TAFA2: variants seen among roughly 807,000 people sequenced by gnomAD.
TAFA2 encodes the protein chemokine-like protein TAFA-2.
Under a neutral mutation model 18.8 loss-of-function variants are expected in TAFA2, and 7 were observed. The ratio of observed to expected loss-of-function variants is 0.37; its 90% CI spans 0.21 to 0.70. The LOEUF is 0.70. TAFA2 is among the 30% of genes least tolerant of loss of function. The probability of loss-of-function intolerance (pLI) is 0.53; values close to 1 mark genes in which losing one functional copy is unlikely to be tolerated. For synonymous variants in TAFA2, 60 were observed against 54.2 expected, an observed-to-expected ratio of 1.11 and a Z score of -0.47; for missense variants, 122 against 158.1, an observed-to-expected ratio of 0.77 and a Z score of 1.23.
intron 2 of TAFA2, among the ~76,000 whole-genome samples, chr12:61,820,768 GTAAAACTCACCTGACCTCT>G (rs1404236453): frequency 6.6e-6 from 1 of 151,966 alleles, no homozygotes; most frequent in Non-Finnish European, 1.5e-5. Flanking sequence ...CTAGAATACT[GTAAAACTCACCTGACCTCT>G]TAGGATTTCA....
chr12:62,009,714 T>C (rs548345375), intron 1 of TAFA2, among the ~76,000 whole-genome samples: 35 of 152,332 alleles, frequency 2.3e-4, no homozygotes, highest in Admixed American at 5.9e-4. Context: ...GAGAATTCTA[T>C]TCCTTGTTTT....
intron 2 of TAFA2, among the ~76,000 whole-genome samples, chr12:61,846,148 A>T (rs778699291): frequency 6.6e-6 from 1 of 152,214 alleles, no homozygotes; most frequent in Non-Finnish European, 1.5e-5. Flanking sequence ...TCTTGAAAAA[A>T]TAGGGATTCT....
chr12:61,729,200 G>A (rs546574398), intron 4 of TAFA2, among the ~76,000 whole-genome samples: 6 of 152,032 alleles, frequency 3.9e-5, no homozygotes, highest in South Asian at 2.1e-4. Context: ...TGATGACTAT[G>A]TGACTAGGCA....
At chr12:62,117,349 A>C (rs1355205790) in intron 1 of TAFA2, among the ~76,000 whole-genome samples, 1 of 152,156 alleles carries the variant, frequency 6.6e-6, no homozygotes, top group East Asian at 1.9e-4. Flanking sequence ...GCAATAATTC[A>C]CAATAGTTTT....
At chr12:61,764,247 G>GATAGATAGATAGATAA (rs1483946893) in intron 2 of TAFA2, among the ~76,000 whole-genome samples, 2 of 151,842 alleles carry the variant, frequency 1.3e-5, no homozygotes, top group Non-Finnish European at 2.9e-5. Flanking sequence ...TAGATAGATA[G>GATAGATAGATAGATAA]ATAGATAGAT....
Position 61,905,410 on chromosome 12 carries a change from T to C in TAFA2, c.-1-37984A>G, listed in dbSNP as rs181453611. ...ATTACCCTAACATCAAGATTCTAAT[T>C]TAGAGAGTTATAAATAACAATGAGG... is the stretch of plus-strand genomic sequence containing the variant. On this transcript the variant is annotated intron_variant, in intron 1 of 4. Transcript: ENST00000416284. Among the ~76,000 whole-genome samples, 507 of 152,212 alleles carry C rather than the reference T, an allele frequency of 3.3e-3. 2 individuals carry two copies. The highest frequency in any genetic ancestry group is 5.7e-3 in the Non-Finnish European group (387 of 67,994).
intron 1 of TAFA2, among the ~76,000 whole-genome samples, chr12:61,886,700 A>G (rs1384984123): frequency 1.3e-5 from 2 of 152,190 alleles, no homozygotes; most frequent in Non-Finnish European, 2.9e-5. Context: ...AAGGATGTAC[A>G]TTAACAAAAG....
At chr12:61,977,571 C>T (rs1209900025) in intron 1 of TAFA2, among the ~76,000 whole-genome samples, 1 of 152,034 alleles carries the variant, frequency 6.6e-6, no homozygotes, top group Non-Finnish European at 1.5e-5. Context: ...TTGTGAAATT[C>T]ATTCTGTAAC....
At chr12:62,034,321 A>G (rs1019830702) in intron 1 of TAFA2, among the ~76,000 whole-genome samples, 4 of 152,138 alleles carry the variant, frequency 2.6e-5, no homozygotes, top group Non-Finnish European at 5.9e-5. Flanking sequence ...GATAAACCAT[A>G]AGAATAGGAG....
rs34593506 is a variant in TAFA2, at chr12:62,165,939, TCACACA to T, written c.-2+25314_-2+25319del. Among the ~76,000 whole-genome samples, 1,379 of 139,386 alleles carry T rather than the reference TCACACA, an allele frequency of 9.9e-3. 16 individuals are homozygous for T. The highest frequency in any genetic ancestry group is 0.032 in the African/African-American group (1,190 of 36,826). 91.4% of individuals were successfully genotyped at this position (139,386 alleles called of 152,430 possible). A position where few individuals can be genotyped will look rare whatever the true frequency, so the allele number is the denominator to read the frequency against. ...CTCTTCCTCTCTCTCTCTCTCTCTC[TCACACA>T]CACACACACACACACACACACACAC... On this transcript the variant is annotated intron_variant, in intron 1 of 4. Coordinates refer to ENST00000416284, the MANE Select transcript of TAFA2 (RefSeq NM_178539.5).
intron 1 of TAFA2, among the ~76,000 whole-genome samples, chr12:61,929,446 C>G (rs1276506680): frequency 2.6e-5 from 4 of 152,062 alleles, no homozygotes; most frequent in Non-Finnish European, 5.9e-5. Flanking sequence ...AAATCAAAAC[C>G]ACAATGAGAT....
chr12:61,887,505 A>G lies in TAFA2; in HGVS notation c.-1-20079T>C, dbSNP rs373438890. 4.6e-5 allele frequency among the ~76,000 whole-genome samples: 7 copies of G among 151,372 alleles called. No individual in the cohort carries two copies. In the East Asian group the frequency reaches 1.2e-3, roughly 25 times the overall value. On this transcript the variant is annotated intron_variant, in intron 1 of 4. Coordinates refer to ENST00000416284, the MANE Select transcript of TAFA2 (RefSeq NM_178539.5). ...TTGTGCAGGTTAGTTACATACGTAT[A>G]CATGTGCCATGCTGGTGTGCTGCAC...
chr12:61,982,925 G>T (rs1879689800), intron 1 of TAFA2, among the ~76,000 whole-genome samples: 1 of 144,824 alleles, frequency 6.9e-6, no homozygotes, highest in Admixed American at 7.0e-5. Flanking sequence ...TGACCCAAAT[G>T]CTTTTCATAT....
intron 1 of TAFA2, among the ~76,000 whole-genome samples, chr12:62,153,346 T>C (rs1353664518): frequency 6.6e-6 from 1 of 152,112 alleles, no homozygotes; most frequent in Non-Finnish European, 1.5e-5. Flanking sequence ...AGAAGAATAA[T>C]AACAGGAACA....
intron 2 of TAFA2, among the ~76,000 whole-genome samples, chr12:61,841,321 G>T (rs188954540): frequency 6.6e-6 from 1 of 152,066 alleles, no homozygotes; most frequent in Non-Finnish European, 1.5e-5. Flanking sequence ...GGAATAACCT[G>T]TCTCAAACCA....
At chr12:61,930,653 TA>T (rs1327543843) in intron 1 of TAFA2, among the ~76,000 whole-genome samples, 1 of 152,250 alleles carries the variant, frequency 6.6e-6, no homozygotes, top group African/African-American at 2.4e-5. Context: ...CAACCATTTA[TA>T]TATTACTTTA....
chr12:61,769,633 A>G (rs1460257752), intron 2 of TAFA2, among the ~76,000 whole-genome samples: 1 of 152,010 alleles, frequency 6.6e-6, no homozygotes, highest in Non-Finnish European at 1.5e-5. Context: ...GACCAGGAAG[A>G]GAAATAACAA....
chr12:62,222,027 G>GC (rs2062765049), intron 1 of TAFA2, among the ~76,000 whole-genome samples: 1 of 152,170 alleles, frequency 6.6e-6, no homozygotes, highest in African/African-American at 2.4e-5. Flanking sequence ...AAGAGTCTAA[G>GC]AAGATGGGAG....
chr12:62,187,102 A>G (rs2062591347), intron 1 of TAFA2, among the ~76,000 whole-genome samples: 5 of 152,146 alleles, frequency 3.3e-5, no homozygotes, highest in Admixed American at 3.3e-4. Flanking sequence ...TGCATTGACT[A>G]TGGAGGTGTA....
Sources: gnomAD v4.1 joint callset for allele counts (sites outside exome capture counted in the v4.1 genomes callset) on GRCh38, gnomAD v4.1.1 for gene constraint, MANE v1.5 for transcripts, NCBI Gene and HGNC (gene_info 2026-07-23, HGNC 2026-07-21) for gene names.